The following IFT46 variants were observed in gnomAD, a reference collection of about 807,000 sequenced individuals.
IFT46 encodes the protein intraflagellar transport protein 46 homolog.
Under a neutral mutation model 39.6 loss-of-function variants are expected in IFT46, and 19 were observed. That is an observed-to-expected ratio of 0.48 (90% CI 0.33 to 0.70). The LOEUF (loss-of-function observed/expected upper bound fraction) is 0.70. Among genes scored for constraint, IFT46 ranks in the 30% least tolerant of loss-of-function variants. IFT46 has a pLI of 0.01. For missense variants in IFT46, 334 were observed against 364.8 expected (o/e 0.92, Z 0.69); for synonymous variants, 117 against 134.8 (o/e 0.87, Z 0.91).
At chr11:118,545,662 C>T in intron 10 of IFT46, 131 bp downstream of exon 10, 1 of 1,165,604 alleles carries the variant, frequency 8.6e-7, no homozygotes, top group East Asian at 2.3e-5. Context: ...TGAGTGCTGC[C>T]AAAGAGCACA....
chr11:118,567,499 C>T (rs371025245), upstream of IFT46, among the ~76,000 whole-genome samples: 31 of 152,154 alleles, frequency 2.0e-4, no homozygotes, highest in East Asian at 5.2e-3. Context: ...TTGCTTGAAC[C>T]CGGGAGGTGG....
chr11:118,557,811 A>T (rs1555069831), intron 3 of IFT46: 15 of 1,613,940 alleles, frequency 9.3e-6, no homozygotes, highest in Non-Finnish European at 1.3e-5. Context: ...GTGGCACTTG[A>T]GACTTGCAGG....
upstream of IFT46, among the ~76,000 whole-genome samples, chr11:118,570,838 T>G (rs1338862783): frequency 6.6e-6 from 1 of 152,206 alleles, no homozygotes; most frequent in Non-Finnish European, 1.5e-5. Context: ...AATTTACAAA[T>G]CATAAAAATT....
chr11:118,557,546 A>G, intron 3 of IFT46: 2 of 631,974 alleles, frequency 3.2e-6, no homozygotes, highest in Non-Finnish European at 5.4e-6. Flanking sequence ...AGAAAGTTCA[A>G]AATCAACCTT....
chr11:118,551,869 A>G lies in IFT46; in HGVS notation c.606-17T>C. ...GGCATGGGCCTAAAAGTATAAAGGT[A>G]AATATGAACAAGAAACGTGAACTGA... On this transcript the variant is annotated splice_polypyrimidine_tract_variant and intron_variant, in intron 8 of 11. Coordinates refer to ENST00000264021, the MANE Select transcript of IFT46 (RefSeq NM_001168618.2). The G allele has an allele frequency of 6.2e-7, 1 of 1,609,756 alleles. No homozygotes were observed. The highest frequency in any genetic ancestry group is 2.2e-5 in the East Asian group (1 of 44,864).
intron 4 of IFT46, among the ~76,000 whole-genome samples, 177 bp downstream of exon 4, chr11:118,556,729 G>A (rs782284805): frequency 1.3e-5 from 2 of 152,144 alleles, no homozygotes; most frequent in Non-Finnish European, 1.5e-5. Context: ...TAAGGTAGTG[G>A]AGTCAGAAAG....
At chr11:118,556,277 G>C (rs1180274468) in intron 4 of IFT46, among the ~76,000 whole-genome samples, 1 of 152,180 alleles carries the variant, frequency 6.6e-6, no homozygotes, top group African/African-American at 2.4e-5. Context: ...GGATCACGAG[G>C]TCAGGAGATC....
At chr11:118,554,670 T>C (rs1461530487) in intron 6 of IFT46, 83 bp from the exon 7 acceptor site, 1 of 1,406,232 alleles carries the variant, frequency 7.1e-7, no homozygotes, top group Non-Finnish European at 9.7e-7. Flanking sequence ...TCATCATTAT[T>C]ACTAGTATTA....
Position 118,565,283 on chromosome 11 carries a change from G to C in IFT46, c.-132-222C>G, listed in dbSNP as rs1195667770. Among the ~76,000 whole-genome samples, 4 of 152,070 alleles carry C rather than the reference G, an allele frequency of 2.6e-5. 1 individual carries two copies. Among genetic ancestry groups the C allele is most frequent in the South Asian group, 4.1e-4 (2 of 4,824 alleles). On this transcript the variant is annotated intron_variant, in intron 1 of 11. Coordinates refer to ENST00000264021, the MANE Select transcript of IFT46 (RefSeq NM_001168618.2). ...TTATTTAGGAACTGCTGGCAGGCTG[G>C]CTGAGGAACCAGGGAATCGTGGAGG...
chr11:118,549,214 T>TC (rs1189777194), intron 9 of IFT46, among the ~76,000 whole-genome samples: 3 of 133,082 alleles, frequency 2.3e-5, no homozygotes, highest in African/African-American at 7.5e-5. Flanking sequence ...TTTCTTTTCT[T>TC]TTTTTTTTGT....
chr11:118,572,188 T>C (rs536308096), intron 1 of IFT46, among the ~76,000 whole-genome samples: 5 of 152,080 alleles, frequency 3.3e-5, no homozygotes, highest in African/African-American at 1.2e-4. Context: ...TGCCAGCGGC[T>C]TGTTAAACTG....
At chr11:118,569,018 C>T (rs1412319277), upstream of IFT46, among the ~76,000 whole-genome samples, 6 of 151,870 alleles carry the variant, frequency 4.0e-5, no homozygotes, top group Admixed American at 3.3e-4. Flanking sequence ...CTGTGGCTCA[C>T]GCCTGTAATC....
At chr11:118,551,128 T>C (rs1951795633) in intron 9 of IFT46, among the ~76,000 whole-genome samples, 1 of 151,542 alleles carries the variant, frequency 6.6e-6, no homozygotes, top group Non-Finnish European at 1.5e-5. Flanking sequence ...TCCTAGCACT[T>C]TGGGAGGCCA....
At chr11:118,571,095 C>T (rs1378984378) in intron 1 of IFT46, among the ~76,000 whole-genome samples, 6 of 152,110 alleles carry the variant, frequency 3.9e-5, no homozygotes, top group African/African-American at 1.4e-4. Context: ...AATTAACTGT[C>T]ACTCTCTATT....
chr11:118,551,966 G>T, intron 8 of IFT46, 114 bp from the exon 9 acceptor site: 1 of 1,156,220 alleles, frequency 8.6e-7, no homozygotes. Flanking sequence ...CATCAGGAAG[G>T]CTTCAGGAGA....
chr11:118,572,472 G>A, intron 1 of IFT46: 2 of 1,541,940 alleles, frequency 1.3e-6, no homozygotes, highest in African/African-American at 1.4e-5. Flanking sequence ...AGAGCTGCTG[G>A]TGCTCCCGTT....
At chr11:118,558,950 A>G (rs1286640536) in intron 3 of IFT46, among the ~76,000 whole-genome samples, 11 of 147,926 alleles carry the variant, frequency 7.4e-5, no homozygotes, top group African/African-American at 1.7e-4. Flanking sequence ...GGCTGGGCAC[A>G]GTGGCTTGTG....
At chr11:118,564,018 A>G (rs759751918) in intron 2 of IFT46, among the ~76,000 whole-genome samples, 2 of 151,688 alleles carry the variant, frequency 1.3e-5, no homozygotes, top group Non-Finnish European at 2.9e-5. Flanking sequence ...CCTGGCCAAC[A>G]TGGTGAAACC....
At chr11:118,570,324 T>G (rs938124600), upstream of IFT46, among the ~76,000 whole-genome samples, 1 of 151,002 alleles carries the variant, frequency 6.6e-6, no homozygotes, top group Admixed American at 6.6e-5. Context: ...CCTCCCAAAG[T>G]GCTGGGATTA....
Sources: allele counts gnomAD v4.1 joint callset (sites outside exome capture counted in the v4.1 genomes callset), GRCh38; gene constraint gnomAD v4.1.1; transcripts MANE v1.5; gene names NCBI Gene and HGNC (gene_info 2026-07-23, HGNC 2026-07-21).